EMP2: variants seen among roughly 807,000 people sequenced by gnomAD.
EMP2 encodes epithelial membrane protein 2.
A neutral mutation model predicts 13.7 loss-of-function variants in EMP2; 19 were observed. The observed-to-expected ratio is 1.38, with a 90% CI of 0.97 to 2.03. The LOEUF (loss-of-function observed/expected upper bound fraction) is 2.03. Among genes scored for constraint, EMP2 ranks in the 30% most tolerant of loss-of-function variants. The pLI is 0.00. For missense variants in EMP2, 253 were observed against 220.7 expected (o/e 1.15, Z -0.93); for synonymous variants, 97 against 84.7 (o/e 1.15, Z -0.80).
chr16:10,560,770 G>A (rs1012038883), intron 1 of EMP2, among the ~76,000 whole-genome samples: 1 of 152,166 alleles, frequency 6.6e-6, no homozygotes, highest in African/African-American at 2.4e-5. Flanking sequence ...GGAGTGGTGG[G>A]GAGAGGGTGT....
intron 1 of EMP2, among the ~76,000 whole-genome samples, chr16:10,555,344 G>A (rs1427248504): frequency 6.6e-6 from 1 of 152,158 alleles, no homozygotes; most frequent in Non-Finnish European, 1.5e-5. Context: ...GGGCCAAGCA[G>A]AACATTCTAA....
intron 1 of EMP2, among the ~76,000 whole-genome samples, chr16:10,576,016 AG>A (rs2050982218): frequency 6.6e-6 from 1 of 152,110 alleles, no homozygotes; most frequent in Non-Finnish European, 1.5e-5. Context: ...CAGGCACTCT[AG>A]TACTCAGATT....
Position 10,532,979 on chromosome 16 carries a change from T to A in EMP2, c.430A>T (p.Ile144Phe). The stretch of plus-strand genomic sequence containing the variant: ...CAGGCGAAGGCCACCCACGCCAGGA[T>A]GTAGGAGTAGCCGTAGCTGCCTTCT... ...TREGSYGYSY[I>F]LAWVAFACTF... The change falls in exon 5 of 5, where the codon ATC (isoleucine) becomes TTC (phenylalanine). Residue 144 changes from isoleucine to phenylalanine, a missense_variant. Ile to Phe is a conservative substitution (Grantham distance 21). Coordinates refer to ENST00000359543, the MANE Select transcript of EMP2 (RefSeq NM_001424.6). The A allele has an allele frequency of 6.2e-7, 1 of 1,611,924 alleles. No homozygotes were observed. The highest frequency in any genetic ancestry group is 8.5e-7 in the Non-Finnish European group (1 of 1,179,076).
chr16:10,540,507 A>AAAAAAAATAAATAAATAAAT (rs1555458898), intron 3 of EMP2, among the ~76,000 whole-genome samples: 11 of 147,308 alleles, frequency 7.5e-5, no homozygotes, highest in African/African-American at 2.8e-4. Flanking sequence ...CTCTGTCTCA[A>AAAAAAAATAAATAAATAAAT]AAATAAATAA....
intron 4 of EMP2, among the ~76,000 whole-genome samples, chr16:10,535,631 G>C (rs1351277508): frequency 2.6e-5 from 4 of 152,062 alleles, no homozygotes; most frequent in African/African-American, 9.7e-5. Context: ...CATTGCTTGA[G>C]CCCTGGAGGC....
At chr16:10,575,233 C>A (rs888837734) in intron 1 of EMP2, among the ~76,000 whole-genome samples, 2 of 77,266 alleles carry the variant, frequency 2.6e-5, no homozygotes, top group African/African-American at 9.5e-5. Flanking sequence ...CTGGAGCTTG[C>A]ATTCTTTTTT....
chr16:10,536,447 T>C (rs2050647815), intron 4 of EMP2, among the ~76,000 whole-genome samples: 1 of 152,122 alleles, frequency 6.6e-6, no homozygotes, highest in Non-Finnish European at 1.5e-5. Context: ...GTTCTTGTGG[T>C]AGTGAGTAAG....
intron 1 of EMP2, among the ~76,000 whole-genome samples, chr16:10,560,564 C>G (rs1292721018): frequency 6.6e-6 from 1 of 152,176 alleles, no homozygotes; most frequent in African/African-American, 2.4e-5. Flanking sequence ...TGAGCACCTG[C>G]TATGTACTGG....
chr16:10,576,400 A>T (rs1320115606), intron 1 of EMP2: 2 of 152,152 alleles, frequency 1.3e-5, no homozygotes, highest in African/African-American at 2.4e-5. Flanking sequence ...CAAAAGAGAA[A>T]TCTTCAAAGT....
chr16:10,556,627 A>T (rs890884429), intron 1 of EMP2, among the ~76,000 whole-genome samples: 9 of 152,240 alleles, frequency 5.9e-5, no homozygotes, highest in Non-Finnish European at 1.0e-4. Flanking sequence ...ATGCCACATG[A>T]AAACGAGACT....
intron 1 of EMP2, among the ~76,000 whole-genome samples, chr16:10,566,863 C>A (rs79067644): frequency 6.6e-6 from 1 of 152,076 alleles, no homozygotes; most frequent in East Asian, 1.9e-4. Flanking sequence ...TAAAAAAAAA[C>A]TGTCAGGTTG....
intron 1 of EMP2, among the ~76,000 whole-genome samples, chr16:10,565,577 C>T (rs766809970): frequency 1.3e-4 from 20 of 152,156 alleles, no homozygotes; most frequent in Admixed American, 6.5e-5. Flanking sequence ...AATATATATG[C>T]ACCCCTTTGG....
intron 3 of EMP2, among the ~76,000 whole-genome samples, chr16:10,541,942 A>G (rs1243294238): frequency 1.3e-5 from 2 of 152,154 alleles, no homozygotes; most frequent in East Asian, 3.9e-4. Context: ...GGTGCCTTCT[A>G]CTGGTATTTT....
intron 1 of EMP2, among the ~76,000 whole-genome samples, chr16:10,574,146 C>G (rs2050966792): frequency 6.6e-6 from 1 of 151,994 alleles, no homozygotes; most frequent in Admixed American, 6.5e-5. Flanking sequence ...CTATATTGGC[C>G]AGGCTGATCT....
At chr16:10,544,903 T>C (rs554152798) in intron 2 of EMP2, 1 of 152,068 alleles carries the variant, frequency 6.6e-6, no homozygotes, top group South Asian at 2.1e-4. Context: ...AAACAAACAT[T>C]GCAATGGATG....
chr16:10,570,172 G>A (rs1230601992), intron 1 of EMP2, among the ~76,000 whole-genome samples: 1 of 151,592 alleles, frequency 6.6e-6, no homozygotes, highest in Non-Finnish European at 1.5e-5. Flanking sequence ...AATGGCAGAG[G>A]AGAAAACCTG....
chr16:10,553,606 T>A (rs1364481949), intron 1 of EMP2, among the ~76,000 whole-genome samples: 1 of 152,136 alleles, frequency 6.6e-6, no homozygotes, highest in African/African-American at 2.4e-5. Context: ...CAAGCTCCTT[T>A]GGCCACAAGT....
At chr16:10,547,130 G>GAGA (rs1401424140) in intron 2 of EMP2, 1 of 157,790 alleles carries the variant, frequency 6.3e-6, no homozygotes, top group Non-Finnish European at 1.4e-5. Flanking sequence ...CTCAACCTGT[G>GAGA]ATATGGTTCG....
chr16:10,533,159 C>T, intron 4 of EMP2, 67 bp from the exon 5 acceptor site: 1 of 1,289,614 alleles, frequency 7.8e-7, no homozygotes, highest in Non-Finnish European at 1.0e-6. Flanking sequence ...AGCCCAGGGG[C>T]ATACGGCCAG....
Sources: gnomAD v4.1 joint callset for allele counts (sites outside exome capture counted in the v4.1 genomes callset) on GRCh38, gnomAD v4.1.1 for gene constraint, MANE v1.5 for transcripts, NCBI Gene and HGNC (gene_info 2026-07-23, HGNC 2026-07-21) for gene names.